Variants in EPC1 observed in about 807,000 individuals in gnomAD.
EPC1 encodes the protein enhancer of polycomb homolog 1.
EPC1 carries 12 observed loss-of-function variants against 98.4 expected under a neutral mutation model. The observed-to-expected ratio is 0.12, with a 90% CI of 0.08 to 0.20. EPC1 has a LOEUF of 0.20. Among genes scored for constraint, EPC1 ranks in the 10% least tolerant of loss-of-function variants. The pLI is 1.00. For synonymous variants in EPC1, 357 were observed against 363.9 expected (o/e 0.98, Z 0.21); for missense variants, 729 against 990.5 (o/e 0.74, Z 3.54).
chr10:32,362,616 C>G (rs1398400506), intron 1 of EPC1, among the ~76,000 whole-genome samples: 1 of 152,182 alleles, frequency 6.6e-6, no homozygotes, highest in Non-Finnish European at 1.5e-5. Flanking sequence ...CCAATTAAAT[C>G]TCTTTTCTTT....
intron 2 of EPC1, among the ~76,000 whole-genome samples, chr10:32,295,217 T>C (rs1835080231): frequency 6.6e-6 from 1 of 152,156 alleles, no homozygotes; most frequent in African/African-American, 2.4e-5. Flanking sequence ...GGTTTCACCT[T>C]GTATGCCACC....
At chr10:32,350,012 T>C (rs904255997), upstream of EPC1, among the ~76,000 whole-genome samples, 3 of 152,186 alleles carry the variant, frequency 2.0e-5, no homozygotes, top group African/African-American at 7.2e-5. Flanking sequence ...GAAAGATTCC[T>C]TGAAAAAATG....
intron 1 of EPC1, among the ~76,000 whole-genome samples, chr10:32,316,369 A>G (rs534439585): frequency 6.6e-6 from 1 of 152,348 alleles, no homozygotes; most frequent in East Asian, 1.9e-4. Context: ...GACGTGAGTA[A>G]GAATGTTCAA....
chr10:32,319,039 ACT>A (rs1333600390), intron 1 of EPC1, among the ~76,000 whole-genome samples: 1 of 152,202 alleles, frequency 6.6e-6, no homozygotes, highest in Non-Finnish European at 1.5e-5. Flanking sequence ...ATCTAATAGA[ACT>A]TTCTAGTAAC....
intron 1 of EPC1, among the ~76,000 whole-genome samples, chr10:32,308,296 G>A (rs553688064): frequency 7.8e-4 from 118 of 152,232 alleles, no homozygotes; most frequent in Non-Finnish European, 6.5e-4. Flanking sequence ...GGCCGAGGCA[G>A]GGAGAATCGC....
intron 2 of EPC1, among the ~76,000 whole-genome samples, chr10:32,304,979 A>G (rs1835792580): frequency 6.6e-6 from 1 of 152,222 alleles, no homozygotes; most frequent in South Asian, 2.1e-4. Context: ...AAAGATTAAC[A>G]AGACAATGAA....
At chr10:32,272,327 C>G in intron 11 of EPC1, 160 bp from the exon 12 acceptor site, 1 of 583,990 alleles carries the variant, frequency 1.7e-6, no homozygotes. Flanking sequence ...GTAATTATAT[C>G]TCTTTTGATA....
intron 1 of EPC1, among the ~76,000 whole-genome samples, chr10:32,358,697 C>T (rs1839355926): frequency 6.6e-6 from 1 of 150,944 alleles, no homozygotes; most frequent in African/African-American, 2.4e-5. Flanking sequence ...CGGTTTAAGG[C>T]ACAGAACCAA....
chr10:32,314,198 T>A (rs139752141), intron 1 of EPC1, among the ~76,000 whole-genome samples: 2 of 152,340 alleles, frequency 1.3e-5, no homozygotes, highest in Admixed American at 1.3e-4. Context: ...TGGAATCAGA[T>A]GAACCATAGC....
chr10:32,297,428 C>T (rs928694000), intron 2 of EPC1, among the ~76,000 whole-genome samples: 2 of 151,718 alleles, frequency 1.3e-5, no homozygotes, highest in African/African-American at 4.8e-5. Flanking sequence ...TGGGATTACA[C>T]ATGTCTGCCA....
At chr10:32,285,894 TC>T (rs1786662136) in intron 9 of EPC1, 1 of 152,266 alleles carries the variant, frequency 6.6e-6, no homozygotes, top group Non-Finnish European at 1.5e-5. Flanking sequence ...GCTCCTGATG[TC>T]AGCAGTGATG....
At chr10:32,362,134 T>A (rs1839460518) in intron 1 of EPC1, among the ~76,000 whole-genome samples, 1 of 152,172 alleles carries the variant, frequency 6.6e-6, no homozygotes, top group African/African-American at 2.4e-5. Context: ...ATTCTTTTAT[T>A]CCTTTACTTT....
chr10:32,272,328 T>A (rs1835888577), intron 11 of EPC1, 161 bp from the exon 12 acceptor site: 1 of 582,018 alleles, frequency 1.7e-6, no homozygotes. Flanking sequence ...TAATTATATC[T>A]CTTTTGATAG....
Position 32,284,740 on chromosome 10 carries a change from T to C in EPC1, c.1702A>G (p.Thr568Ala). ...TAQPGTQTCS[T>A]STQSKSSSGS... Reference sequence around the variant, plus strand: ...CTGCTACTTTTACTTTGCGTAGAGGTACTGCATGTCTGGGTCCCAGGTTGT... The same window carrying C: ...CTGCTACTTTTACTTTGCGTAGAGGCACTGCATGTCTGGGTCCCAGGTTGT... Residue 568 changes from threonine to alanine, a missense_variant, in exon 10 of 14, where the codon ACC becomes GCC. Thr to Ala is a moderately conservative substitution (Grantham distance 58). Coordinates refer to ENST00000319778, the MANE Select transcript of EPC1 (RefSeq NM_001272004.3). The C allele has an allele frequency of 6.2e-7, 1 of 1,614,152 alleles. No individual in the cohort carries two copies.
chr10:32,321,386 C>T (rs1836906143), intron 1 of EPC1, among the ~76,000 whole-genome samples: 1 of 151,742 alleles, frequency 6.6e-6, no homozygotes, highest in Admixed American at 6.6e-5. Flanking sequence ...TGCTATATTG[C>T]CCAGGCTGGA....
intron 1 of EPC1, among the ~76,000 whole-genome samples, chr10:32,311,093 G>T (rs1302592040): frequency 6.6e-6 from 1 of 152,014 alleles, no homozygotes. Context: ...GGCGGATCAC[G>T]AGGTCAGGAG....
At chr10:32,353,531 C>T (rs1401551742) in intron 1 of EPC1, among the ~76,000 whole-genome samples, 1 of 152,016 alleles carries the variant, frequency 6.6e-6, no homozygotes, top group East Asian at 1.9e-4. Flanking sequence ...AGCAGGAGTC[C>T]GGATTCCTCA....
At chr10:32,368,637 T>C (rs1340798971) in intron 1 of EPC1, among the ~76,000 whole-genome samples, 1 of 152,250 alleles carries the variant, frequency 6.6e-6, no homozygotes, top group Admixed American at 6.5e-5. Context: ...TTATACTCTA[T>C]GTGACTCATT....
At chr10:32,298,492 A>C (rs1835303032) in intron 2 of EPC1, among the ~76,000 whole-genome samples, 1 of 152,214 alleles carries the variant, frequency 6.6e-6, no homozygotes, top group Non-Finnish European at 1.5e-5. Context: ...ACGAGCACTA[A>C]CTGCATGATT....
Sources: allele counts gnomAD v4.1 joint callset (sites outside exome capture counted in the v4.1 genomes callset), GRCh38; gene constraint gnomAD v4.1.1; transcripts MANE v1.5; gene names NCBI Gene and HGNC (gene_info 2026-07-23, HGNC 2026-07-21).